Variants in SPATS1 observed in about 807,000 individuals in gnomAD.
The protein encoded by SPATS1 is spermatogenesis-associated serine-rich protein 1.
A neutral mutation model predicts 33.6 loss-of-function variants in SPATS1; 23 were observed. That is an observed-to-expected ratio of 0.68 (90% confidence interval 0.49 to 0.97). SPATS1 has a LOEUF of 0.97. Ranked by LOEUF, SPATS1 falls within the 50% of genes least tolerant of loss-of-function variation. The pLI is 0.00. For missense variants in SPATS1, 327 were observed against 361.0 expected, an observed-to-expected ratio of 0.91 and a Z score of 0.76; for synonymous variants, 131 against 125.6, an observed-to-expected ratio of 1.04 and a Z score of -0.29.
rs1561963087 is a variant in SPATS1 at position 44,379,311 on chromosome 6, C to G, written c.*2248C>G. Among the ~76,000 whole-genome samples the G allele has an allele frequency of 6.6e-6, 1 of 152,066 alleles. No homozygotes were observed. The highest frequency in any genetic ancestry group is 1.5e-5 in the Non-Finnish European group (1 of 68,014). On this transcript the variant is annotated 3_prime_UTR_variant, in exon 9 of 9. Coordinates refer to ENST00000674044, the MANE Select transcript of SPATS1 (RefSeq NM_001372081.1). ...TAAATATATTAAGGAAAACAACCGGCTGGGCGTGGTGGCTCACGCCTGTAA... is the reference window on the plus strand; with the variant it reads ...TAAATATATTAAGGAAAACAACCGGGTGGGCGTGGTGGCTCACGCCTGTAA...
chr6:44,373,695 AAGTCT>A (rs1220620093), intron 7 of SPATS1, among the ~76,000 whole-genome samples: 3 of 152,244 alleles, frequency 2.0e-5, no homozygotes, highest in Non-Finnish European at 1.5e-5. Flanking sequence ...TAAAGTTGCC[AAGTCT>A]TCTCTAGTTA....
rs190235137 is a variant in SPATS1, at chr6:44,360,375, G to A, written c.288-71G>A. 4.4e-4 allele frequency: 701 copies of A among 1,598,852 alleles called. 10 individuals are homozygous for A. In the East Asian group the frequency reaches 0.012, roughly 28 times the overall value. ...TCTCATAAGCGAGGGCAATTCTAGG[G>A]TAAACTATGTGAGATCAGGCTGTAA... is the stretch of plus-strand genomic sequence containing the variant. On this transcript the variant is annotated intron_variant, in intron 3 of 8. Coordinates refer to ENST00000674044, the MANE Select transcript of SPATS1 (RefSeq NM_001372081.1).
chr6:44,376,528 A>G (rs981001422), intron 8 of SPATS1, 55 bp downstream of exon 8: 50 of 1,275,018 alleles, frequency 3.9e-5, no homozygotes, highest in Non-Finnish European at 5.3e-5. Flanking sequence ...TCCGCCGGGT[A>G]TGGTGGCTCA....
intron 3 of SPATS1, among the ~76,000 whole-genome samples, chr6:44,356,794 G>C (rs1214324161): frequency 1.3e-5 from 2 of 152,234 alleles, no homozygotes; most frequent in African/African-American, 4.8e-5. Context: ...TGTGGGAAGT[G>C]ACATCCCATA....
intron 5 of SPATS1, among the ~76,000 whole-genome samples, chr6:44,366,228 G>A (rs1040081603): frequency 2.0e-5 from 3 of 151,636 alleles, no homozygotes; most frequent in Non-Finnish European, 4.4e-5. Flanking sequence ...AGGTTCAAGC[G>A]ATTCTCCTGC....
In SPATS1 at chr6:44,377,138, G is replaced by T; in HGVS notation, c.*75G>T. On this transcript the variant is annotated 3_prime_UTR_variant, in exon 9 of 9. Transcript: ENST00000674044. ...TTCCAGTTGATGTTTTTTGTCATGT[G>T]ACTGTTCTAAATCCAGTGTTTGACC... 6.4e-7 allele frequency: 1 copy of T among 1,565,426 alleles called. No individual in the cohort carries two copies. Among genetic ancestry groups the T allele is most frequent in the South Asian group, 1.1e-5 (1 of 90,072 alleles).
intron 3 of SPATS1, among the ~76,000 whole-genome samples, chr6:44,360,063 G>T (rs186804558): frequency 2.2e-4 from 34 of 152,256 alleles, no homozygotes; most frequent in Non-Finnish European, 2.9e-4. Flanking sequence ...TATACACCTA[G>T]AAACAGAATT....
intron 3 of SPATS1, among the ~76,000 whole-genome samples, chr6:44,353,171 T>C (rs1269495178): frequency 1.3e-5 from 2 of 152,198 alleles, no homozygotes; most frequent in Non-Finnish European, 2.9e-5. Flanking sequence ...ACACAGCAAG[T>C]TCTGTGTAAG....
chr6:44,364,175 G>A (rs1789103340), intron 5 of SPATS1, among the ~76,000 whole-genome samples: 1 of 152,128 alleles, frequency 6.6e-6, no homozygotes, highest in African/African-American at 2.4e-5. Context: ...ATGTGCCTCT[G>A]ATAGATAAGG....
chr6:44,352,904 G>C (rs777166213), intron 3 of SPATS1, 31 bp downstream of exon 3: 2 of 1,605,032 alleles, frequency 1.2e-6, no homozygotes, highest in African/African-American at 2.7e-5. Flanking sequence ...GAGCTGTCAC[G>C]GTTGGGGAGA....
At chr6:44,349,028 G>A (rs1402063364) in intron 2 of SPATS1, among the ~76,000 whole-genome samples, 6 of 152,168 alleles carry the variant, frequency 3.9e-5, no homozygotes, top group Admixed American at 6.5e-5. Context: ...CTACTCGGGA[G>A]GCTGAGACAG....
chr6:44,359,000 G>A (rs1788746344), intron 3 of SPATS1, among the ~76,000 whole-genome samples: 1 of 152,104 alleles, frequency 6.6e-6, no homozygotes. Context: ...CCAGGCTGGA[G>A]TGCAGTGGCA....
rs1297249228 is a variant in SPATS1, at chr6:44,376,351, C to T, written c.759-7C>T. On this transcript the variant is annotated splice_polypyrimidine_tract_variant and splice_region_variant and intron_variant, in intron 7 of 8. Coordinates refer to ENST00000674044, the MANE Select transcript of SPATS1 (RefSeq NM_001372081.1). Reference sequence around the variant, plus strand: ...CTACAACTCAGGGTGTTGTCTTCTTCCCACAGCTTGCCTTTCTGGGTGAAG... The same window carrying T: ...CTACAACTCAGGGTGTTGTCTTCTTTCCACAGCTTGCCTTTCTGGGTGAAG... The T allele has an allele frequency of 6.2e-7, 1 of 1,603,026 alleles. No homozygotes were observed. Among genetic ancestry groups the T allele is most frequent in the Non-Finnish European group, 8.5e-7 (1 of 1,172,178 alleles).
At chr6:44,376,206 G>A in intron 7 of SPATS1, 152 bp from the exon 8 acceptor site, 1 of 573,444 alleles carries the variant, frequency 1.7e-6, no homozygotes, top group South Asian at 2.0e-5. Flanking sequence ...TGAGGCAGGA[G>A]CAAACGGTGA....
chr6:44,360,373 G>A lies in SPATS1; in HGVS notation c.288-73G>A, dbSNP rs146592592. On this transcript the variant is annotated intron_variant, in intron 3 of 8. Coordinates refer to ENST00000674044, the MANE Select transcript of SPATS1 (RefSeq NM_001372081.1). ...GTTCTCATAAGCGAGGGCAATTCTA[G>A]GGTAAACTATGTGAGATCAGGCTGT... The A allele has an allele frequency of 1.7e-3, 2,746 of 1,596,944 alleles. 25 individuals carry two copies. The African/African-American group carries it at 0.03, about 17-fold the overall frequency.
chr6:44,371,435 T>C (rs1789607781), intron 7 of SPATS1, among the ~76,000 whole-genome samples: 1 of 152,220 alleles, frequency 6.6e-6, no homozygotes, highest in African/African-American at 2.4e-5. Context: ...CAGTTAGTCA[T>C]GGCAGAAGTG....
chr6:44,349,191 C>G (rs566359166), intron 2 of SPATS1, among the ~76,000 whole-genome samples: 1 of 144,082 alleles, frequency 6.9e-6, no homozygotes, highest in Non-Finnish European at 1.5e-5. Flanking sequence ...CCCAGCTACT[C>G]GGGAGGCTGA....
At chr6:44,350,074 G>C (rs981676222) in intron 2 of SPATS1, among the ~76,000 whole-genome samples, 2 of 152,184 alleles carry the variant, frequency 1.3e-5, no homozygotes, top group African/African-American at 4.8e-5. Context: ...GGACCTCACT[G>C]TGCTGGGGGC....
intron 2 of SPATS1, among the ~76,000 whole-genome samples, chr6:44,344,255 C>A (rs4714781): frequency 0.072 from 10,923 of 152,114 alleles, 638 homozygotes; most frequent in Admixed American, 0.22. Flanking sequence ...GGTCCCAGAC[C>A]ACATTAATGA....
Sources: allele counts gnomAD v4.1 joint callset (sites outside exome capture counted in the v4.1 genomes callset), GRCh38; gene constraint gnomAD v4.1.1; transcripts MANE v1.5; gene names NCBI Gene and HGNC (gene_info 2026-07-23, HGNC 2026-07-21).